Variants in XXYLT1 observed in about 807,000 individuals in gnomAD.
XXYLT1 encodes xyloside xylosyltransferase 1.
In XXYLT1, 20 loss-of-function variants were observed where a neutral mutation model predicts 28.9. The ratio of observed to expected loss-of-function variants is 0.69; its 90% CI spans 0.49 to 1.00. XXYLT1 has a LOEUF of 1.00. XXYLT1 is among the 50% of genes least tolerant of loss of function. XXYLT1 has a pLI of 0.00. For missense variants in XXYLT1, 542 were observed against 560.1 expected (o/e 0.97, Z 0.33); for synonymous variants, 257 against 253.8 (o/e 1.01, Z -0.12).
At chr3:195,080,713 G>T (rs73206619) in intron 3 of XXYLT1, among the ~76,000 whole-genome samples, 42,663 of 152,008 alleles carry the variant, frequency 0.28, 6,755 homozygotes, top group East Asian at 0.64. Flanking sequence ...AGTGCAGCCA[G>T]GTGTGGGAAA....
At chr3:195,088,068 G>T (rs1003788986) in intron 3 of XXYLT1, among the ~76,000 whole-genome samples, 1 of 151,776 alleles carries the variant, frequency 6.6e-6, no homozygotes, top group Non-Finnish European at 1.5e-5. Context: ...CCAGCACAGC[G>T]GTCTGAGATC....
chr3:195,110,492 ATG>A (rs1488469424), intron 3 of XXYLT1, among the ~76,000 whole-genome samples: 1 of 17,472 alleles, frequency 5.7e-5, no homozygotes, highest in African/African-American at 2.1e-4. Flanking sequence ...TATGTGGTGT[ATG>A]TGTGCATGGT....
chr3:195,085,528 C>G (rs567745742), intron 3 of XXYLT1, among the ~76,000 whole-genome samples: 1 of 152,310 alleles, frequency 6.6e-6, no homozygotes, highest in African/African-American at 2.4e-5. Context: ...CAGTTCTACT[C>G]GAGAAGCACA....
rs1472329776 is a variant in XXYLT1 at position 195,182,165 on chromosome 3, C to A, written c.653-25584G>T. Among the ~76,000 whole-genome samples, 6 of 152,320 alleles carry A rather than the reference C, an allele frequency of 3.9e-5. No homozygotes were observed. The East Asian group carries it at 1.2e-3, about 29-fold the overall frequency. The stretch of plus-strand genomic sequence containing the variant: ...ATGTGCTCCCGGGCAAGTCATTTAA[C>A]CCCTCTGTGCTGGATTCTCTCGCCT... On this transcript the variant is annotated intron_variant, in intron 2 of 3. Coordinates refer to ENST00000310380, the MANE Select transcript of XXYLT1 (RefSeq NM_152531.5).
chr3:195,110,360 TGCGTGC>T (rs1717538720), intron 3 of XXYLT1, among the ~76,000 whole-genome samples: 1 of 43,160 alleles, frequency 2.3e-5, no homozygotes. Context: ...GTGGTGTATG[TGCGTGC>T]GTGTGTGCTG....
intron 1 of XXYLT1, among the ~76,000 whole-genome samples, chr3:195,252,721 C>CAGAGAGAGAG (rs1313681253): frequency 1.5e-3 from 204 of 134,884 alleles, no homozygotes; most frequent in African/African-American, 5.5e-3. Flanking sequence ...CACACACACA[C>CAGAGAGAGAG]ACACACAGAG....
At chr3:195,148,845 T>TG (rs1404115122) in intron 3 of XXYLT1, among the ~76,000 whole-genome samples, 1 of 152,218 alleles carries the variant, frequency 6.6e-6, no homozygotes, top group Non-Finnish European at 1.5e-5. Context: ...ACAGCAGATG[T>TG]GTTTTTAAGA....
In XXYLT1 at chr3:195,226,868, G is replaced by A; in HGVS notation, c.505-12C>T. On this transcript the variant is annotated splice_polypyrimidine_tract_variant and intron_variant, in intron 1 of 3. Transcript: ENST00000310380. ...TCGTGGAAGATGACCTGCAGCAGGTGCAAAAAAAACCAAGGCTCAGCAAAC... is the reference window on the plus strand; with the variant it reads ...TCGTGGAAGATGACCTGCAGCAGGTACAAAAAAAACCAAGGCTCAGCAAAC... 6.2e-7 allele frequency: 1 copy of A among 1,609,520 alleles called. No individual in the cohort carries two copies. The highest frequency in any genetic ancestry group is 8.5e-7 in the Non-Finnish European group (1 of 1,178,534).
chr3:195,204,476 A>ACTCTCTCTCTCTCTCT (rs61196221), intron 2 of XXYLT1, among the ~76,000 whole-genome samples: 81 of 125,956 alleles, frequency 6.4e-4, no homozygotes, highest in African/African-American at 2.2e-3. Context: ...TCACTCTCTC[A>ACTCTCTCTCTCTCTCT]CTCTCTCTCT....
In XXYLT1 at chr3:195,115,155, G is replaced by A. The variant is rs1717979160; in HGVS notation, c.785+41294C>T. Among the ~76,000 whole-genome samples the A allele has an allele frequency of 6.6e-6, 1 of 152,222 alleles. No homozygotes were observed. The highest frequency in any genetic ancestry group is 1.5e-5 in the Non-Finnish European group (1 of 68,048). ...GCTCGGGACGTGAATCAGGTGCTGC[G>A]ACTCGGGAACTAGTGTGCTCACATG... On this transcript the variant is annotated intron_variant, in intron 3 of 3. Coordinates refer to ENST00000310380, the MANE Select transcript of XXYLT1 (RefSeq NM_152531.5). The surrounding 1 kb of genome is among the most constrained non-coding windows in gnomAD (Gnocchi z 4.2).
chr3:195,088,073 G>A (rs949110846), intron 3 of XXYLT1, among the ~76,000 whole-genome samples: 1 of 152,026 alleles, frequency 6.6e-6, no homozygotes. Context: ...ACAGCGGTCT[G>A]AGATCAAACT....
intron 3 of XXYLT1, among the ~76,000 whole-genome samples, chr3:195,120,163 A>G (rs1001294381): frequency 5.9e-5 from 9 of 152,166 alleles, no homozygotes; most frequent in East Asian, 1.9e-4. Flanking sequence ...GATCTACTCA[A>G]AGGAGGGCAG....
intron 3 of XXYLT1, among the ~76,000 whole-genome samples, chr3:195,139,769 A>G (rs1423213900): frequency 2.0e-5 from 3 of 152,236 alleles, no homozygotes; most frequent in Non-Finnish European, 4.4e-5. Context: ...CAGGACACAT[A>G]GGTGAGTTTC....
At chr3:195,112,613 A>ATG (rs1404101962) in intron 3 of XXYLT1, among the ~76,000 whole-genome samples, 1 of 96,572 alleles carries the variant, frequency 1.0e-5, no homozygotes, top group Non-Finnish European at 2.7e-5. Context: ...ACACACACGC[A>ATG]CACATGTGCA....
intron 2 of XXYLT1, among the ~76,000 whole-genome samples, chr3:195,226,432 A>C (rs1276403218): frequency 6.6e-6 from 1 of 152,118 alleles, no homozygotes; most frequent in Admixed American, 6.6e-5. Flanking sequence ...GTGGGGAAAG[A>C]AGGGGGCGAG....
chr3:195,134,253 G>C (rs2172695), intron 3 of XXYLT1, among the ~76,000 whole-genome samples: 57,798 of 152,000 alleles, frequency 0.38, 12,635 homozygotes, highest in East Asian at 0.83. Flanking sequence ...ATAGCCTACA[G>C]GTGCCTGAAT....
chr3:195,251,690 T>C (rs1419838607), intron 1 of XXYLT1, among the ~76,000 whole-genome samples: 1 of 152,126 alleles, frequency 6.6e-6, no homozygotes, highest in Non-Finnish European at 1.5e-5. Flanking sequence ...CCTATCCTAT[T>C]TCCAAAGTTG....
intron 2 of XXYLT1, among the ~76,000 whole-genome samples, chr3:195,192,052 G>C (rs1278507837): frequency 6.6e-6 from 1 of 152,158 alleles, no homozygotes; most frequent in African/African-American, 2.4e-5. Flanking sequence ...TACACATTCT[G>C]CACATTGAAG....
chr3:195,212,920 G>A (rs1417619398), intron 2 of XXYLT1, among the ~76,000 whole-genome samples: 1 of 152,316 alleles, frequency 6.6e-6, no homozygotes, highest in South Asian at 2.1e-4. Flanking sequence ...TCAGTGCCGC[G>A]AGGGCGCTCC....
Sources: gnomAD v4.1 joint callset for allele counts (sites outside exome capture counted in the v4.1 genomes callset) on GRCh38, gnomAD v4.1.1 for gene constraint, Gnocchi (gnomAD v3.1) non-coding constraint, MANE v1.5 for transcripts, NCBI Gene and HGNC (gene_info 2026-07-23, HGNC 2026-07-21) for gene names.